The following TSPAN12 variants were observed in gnomAD, a reference collection of about 807,000 sequenced individuals.
TSPAN12 encodes the protein tetraspanin-12.
In TSPAN12, 19 loss-of-function variants were observed where a neutral mutation model predicts 39.2. The ratio of observed to expected loss-of-function variants is 0.49; its 90% CI spans 0.34 to 0.71. TSPAN12 has a LOEUF of 0.71. Ranked by LOEUF, TSPAN12 falls within the 30% of genes least tolerant of loss-of-function variation. The pLI, the probability that TSPAN12 is intolerant of heterozygous loss-of-function variation, is 0.01. For missense variants in TSPAN12, 314 were observed against 359.9 expected (o/e 0.87, Z 1.03); for synonymous variants, 119 against 124.8 (o/e 0.95, Z 0.31).
intron 2 of TSPAN12, among the ~76,000 whole-genome samples, chr7:120,852,049 C>T (rs1794778705): frequency 6.6e-6 from 1 of 152,054 alleles, no homozygotes; most frequent in African/African-American, 2.4e-5. Flanking sequence ...CTTAAAAACA[C>T]ATCTATGCCT....
chr7:120,840,066 T>A lies in TSPAN12; in HGVS notation c.110A>T (p.Asp37Val), dbSNP rs1270366579. The A allele has an allele frequency of 6.2e-7, 1 of 1,613,780 alleles. No homozygotes were observed. Among genetic ancestry groups the A allele is most frequent in the Admixed American group, 1.7e-5 (1 of 60,000 alleles). ...TAAAGTGAGAACATTATTTAGGTAG[T>A]CCCTCATCCAAGCAGAAACTGCCAA... is the stretch of plus-strand genomic sequence containing the variant. ...SVLAVSAWMR[D>V]YLNNVLTLTA... The change falls in exon 3 of 8, where the codon GAC (aspartate) becomes GTC (valine). Residue 37 changes from aspartate (D) to valine (V), a missense_variant. Asp to Val is a radical substitution (Grantham distance 152, BLOSUM62 -3). Coordinates refer to ENST00000222747, the MANE Select transcript of TSPAN12 (RefSeq NM_012338.4).
At chr7:120,825,091 C>T (rs1050230782) in intron 4 of TSPAN12, among the ~76,000 whole-genome samples, 5 of 152,068 alleles carry the variant, frequency 3.3e-5, no homozygotes, top group African/African-American at 1.2e-4. Flanking sequence ...ATATAAATGC[C>T]ACTGCAAAAG....
chr7:120,814,114 T>G, intron 5 of TSPAN12: 1 of 442,718 alleles, frequency 2.3e-6, no homozygotes, highest in Non-Finnish European at 4.5e-6. Context: ...TAGCCACTAG[T>G]CTGTGGTTAC....
At chr7:120,815,836 T>C in intron 4 of TSPAN12, 33 bp from the exon 5 acceptor site, 2 of 1,584,012 alleles carry the variant, frequency 1.3e-6, no homozygotes, top group Admixed American at 1.7e-5. Context: ...GCTGTTATAG[T>C]ATCAGAATAA....
At chr7:120,838,947 T>C (rs1794529705) in intron 3 of TSPAN12, 35 bp from the exon 4 acceptor site, 1 of 1,609,892 alleles carries the variant, frequency 6.2e-7, no homozygotes, top group Admixed American at 1.7e-5. Flanking sequence ...AGAAAGAAAA[T>C]ATAATCAAAA....
In TSPAN12 at chr7:120,788,651, A is replaced by G. The variant is rs749845286; in HGVS notation, c.859T>C (p.Phe287Leu). The change falls in exon 8 of 8, where the codon TTT becomes CTT. Residue 287 changes from phenylalanine (F) to leucine (L), a missense_variant. Phe to Leu is a conservative substitution (Grantham distance 22, BLOSUM62 0). Transcript: ENST00000222747. ...CTGTTTGCCATGGATGTGTGTTCAA[A>G]GATTCTTGACAGGCTTGGTTTCAAC... ...ELLKPSLSRI[F>L]EHTSMANSFN... 6.2e-6 allele frequency: 10 copies of G among 1,614,152 alleles called. No individual in the cohort carries two copies. Among genetic ancestry groups the G allele is most frequent in the Non-Finnish European group, 8.5e-6 (10 of 1,180,010 alleles).
chr7:120,838,949 T>C, intron 3 of TSPAN12, 37 bp from the exon 4 acceptor site: 1 of 1,607,756 alleles, frequency 6.2e-7, no homozygotes. Flanking sequence ...AAAGAAAATA[T>C]AATCAAAATG....
intron 7 of TSPAN12, among the ~76,000 whole-genome samples, chr7:120,802,262 A>C (rs950383163): frequency 6.6e-6 from 1 of 152,234 alleles, no homozygotes; most frequent in African/African-American, 2.4e-5. Flanking sequence ...GTGGGCTGTC[A>C]GTAATCACGG....
chr7:120,806,876 C>A (rs896859296), intron 6 of TSPAN12, among the ~76,000 whole-genome samples, 184 bp from the exon 7 acceptor site: 1 of 151,994 alleles, frequency 6.6e-6, no homozygotes, highest in Non-Finnish European at 1.5e-5. Flanking sequence ...CTAACGATTG[C>A]ATAATGGAAG....
At chr7:120,791,222 G>T (rs751552580) in intron 7 of TSPAN12, among the ~76,000 whole-genome samples, 2 of 151,900 alleles carry the variant, frequency 1.3e-5, no homozygotes, top group South Asian at 2.1e-4. Context: ...CCAGCTACTC[G>T]GGAGGCTGAG....
chr7:120,816,313 G>A lies in TSPAN12; in HGVS notation c.286-510C>T, dbSNP rs373494952. ...TATAGTAAGTTTCTATTATGGGGAAGGCACTTGGGATATATAAAAGAATAT... is the reference window on the plus strand; with the variant it reads ...TATAGTAAGTTTCTATTATGGGGAAAGCACTTGGGATATATAAAAGAATAT... On this transcript the variant is annotated intron_variant, in intron 4 of 7. Transcript: ENST00000222747. 5.9e-5 allele frequency among the ~76,000 whole-genome samples: 9 copies of A among 152,044 alleles called. No homozygotes were observed. In the East Asian group the frequency reaches 1.7e-3, roughly 29 times the overall value.
chr7:120,806,516 T>C, intron 7 of TSPAN12, 33 bp downstream of exon 7: 3 of 1,608,902 alleles, frequency 1.9e-6, no homozygotes, highest in Non-Finnish European at 1.7e-6. Context: ...AGAAAACATT[T>C]ATCCATAATA....
chr7:120,856,846 G>T lies in TSPAN12; in HGVS notation c.-70-13C>A. The T allele has an allele frequency of 1.4e-6, 2 of 1,454,534 alleles. No individual in the cohort carries two copies. The highest frequency in any genetic ancestry group is 1.7e-5 in the Admixed American group (1 of 59,010). 90.1% of individuals were successfully genotyped at this position (1,454,534 alleles called of 1,614,324 possible). A position where few individuals can be genotyped will look rare whatever the true frequency, so the allele number is the denominator to read the frequency against. On this transcript the variant is annotated splice_polypyrimidine_tract_variant and intron_variant, in intron 1 of 7. Coordinates refer to ENST00000222747, the MANE Select transcript of TSPAN12 (RefSeq NM_012338.4). ...AAACGGCAGCGATCTGCAGGGGGCG[G>T]GGGAGAGAGAACACGGGACATCTCA...
chr7:120,799,544 TTA>T (rs1363707301), intron 7 of TSPAN12, among the ~76,000 whole-genome samples: 248 of 105,910 alleles, frequency 2.3e-3, no homozygotes, highest in East Asian at 3.6e-3. Context: ...TTATATATAA[TTA>T]TATATATAAT....
intron 2 of TSPAN12, among the ~76,000 whole-genome samples, chr7:120,847,233 C>T (rs1437774665): frequency 9.3e-6 from 1 of 107,550 alleles, no homozygotes; most frequent in South Asian, 3.3e-4. Context: ...AGCTATATGA[C>T]AAAAAAAAAA....
chr7:120,853,006 G>A (rs1794798076), intron 2 of TSPAN12, among the ~76,000 whole-genome samples: 2 of 152,116 alleles, frequency 1.3e-5, no homozygotes, highest in Middle Eastern at 6.8e-3. Context: ...TGCAAACATT[G>A]CCTTAACACT....
rs267607152 is a variant in TSPAN12 at position 120,815,787 on chromosome 7, A to T, written c.302T>A (p.Leu101His). 13 of 1,612,968 alleles carry T rather than the reference A, an allele frequency of 8.1e-6. No individual in the cohort carries two copies. The highest frequency in any genetic ancestry group is 1.1e-5 in the Non-Finnish European group (13 of 1,179,606). Reference protein sequence around the residue: ...LLLAWYFGSLLVIFCVELACG... With the variant: ...LLLAWYFGSLHVIFCVELACG... Reference sequence around the variant, plus strand: ...AGCCAGTTCTACACAGAAAATGACAAGCAAACTTCCAAAGTACTGTAGAAA... The same window carrying T: ...AGCCAGTTCTACACAGAAAATGACATGCAAACTTCCAAAGTACTGTAGAAA... The change falls in exon 5 of 8, where the codon CTT becomes CAT. Residue 101 changes from leucine to histidine, a missense_variant. Transcript: ENST00000222747.
chr7:120,805,243 T>C (rs1459590814), intron 7 of TSPAN12, among the ~76,000 whole-genome samples: 1 of 152,128 alleles, frequency 6.6e-6, no homozygotes, highest in Non-Finnish European at 1.5e-5. Flanking sequence ...CTCATATCTA[T>C]GAATATAATG....
chr7:120,831,474 A>T (rs1794389430), intron 4 of TSPAN12, among the ~76,000 whole-genome samples: 1 of 152,072 alleles, frequency 6.6e-6, no homozygotes, highest in Admixed American at 6.6e-5. Flanking sequence ...TAAAAAAACA[A>T]GGAAATTCTG....
Sources: gnomAD v4.1 joint callset for allele counts (sites outside exome capture counted in the v4.1 genomes callset) on GRCh38, gnomAD v4.1.1 for gene constraint, MANE v1.5 for transcripts, NCBI Gene and HGNC (gene_info 2026-07-23, HGNC 2026-07-21) for gene names.